Variants in CNTN3 observed in about 807,000 individuals in gnomAD.
CNTN3 encodes contactin-3.
CNTN3 carries 60 observed loss-of-function variants against 119.1 expected under a neutral mutation model. The observed-to-expected ratio is 0.50, with a 90% confidence interval of 0.41 to 0.62. CNTN3 has a LOEUF of 0.62. Ranked by LOEUF, CNTN3 falls within the 20% of genes least tolerant of loss-of-function variation. CNTN3 has a pLI of 0.00. For synonymous variants in CNTN3, 450 were observed against 438.7 expected (o/e 1.03, Z -0.32); for missense variants, 1,101 against 1,242.4 (o/e 0.89, Z 1.71).
In CNTN3 at chr3:74,547,720, T is replaced by C. The variant is rs142801753; in HGVS notation, c.-80-26528A>G. Among the ~76,000 whole-genome samples, 396 of 152,274 alleles carry C rather than the reference T, an allele frequency of 2.6e-3. 3 individuals are homozygous for C. Among genetic ancestry groups the C allele is most frequent in the African/African-American group, 9.0e-3 (374 of 41,576 alleles). On this transcript the variant is annotated intron_variant, in intron 1 of 22. Coordinates refer to ENST00000263665, the MANE Select transcript of CNTN3 (RefSeq NM_020872.3). Reference sequence around the variant, plus strand: ...ATATTTGTACACTATAGATATTAATTCTCTGGCTGTTATGTACTTCACAAA... The same window carrying C: ...ATATTTGTACACTATAGATATTAATCCTCTGGCTGTTATGTACTTCACAAA...
At chr3:74,284,298 C>T (rs1021884888) in intron 20 of CNTN3, among the ~76,000 whole-genome samples, 1 of 152,094 alleles carries the variant, frequency 6.6e-6, no homozygotes, top group African/African-American at 2.4e-5. Flanking sequence ...TAAAAATTGT[C>T]TCATTCTTAC....
At chr3:74,574,335 G>C (rs1704380682) in intron 1 of CNTN3, among the ~76,000 whole-genome samples, 1 of 152,164 alleles carries the variant, frequency 6.6e-6, no homozygotes, top group African/African-American at 2.4e-5. Context: ...GTTTCTTTTA[G>C]AGTGATGAAC....
chr3:74,603,521 T>C (rs2106707482), intron 1 of CNTN3, among the ~76,000 whole-genome samples: 1 of 152,260 alleles, frequency 6.6e-6, no homozygotes, highest in Admixed American at 6.5e-5. Flanking sequence ...GAATAATGCT[T>C]GCTAGAAGCC....
intron 1 of CNTN3, among the ~76,000 whole-genome samples, chr3:74,609,472 G>T (rs1705045014): frequency 6.6e-6 from 1 of 152,184 alleles, no homozygotes; most frequent in African/African-American, 2.4e-5. Flanking sequence ...TGGTGACAAA[G>T]ACCACTGACT....
intron 20 of CNTN3, among the ~76,000 whole-genome samples, chr3:74,283,074 A>G (rs1702046005): frequency 6.6e-6 from 1 of 152,196 alleles, no homozygotes; most frequent in Non-Finnish European, 1.5e-5. Context: ...ACCTGTGATC[A>G]TCTTACCCAG....
chr3:74,439,677 T>C (rs927025866), intron 4 of CNTN3, among the ~76,000 whole-genome samples: 13 of 152,170 alleles, frequency 8.5e-5, no homozygotes, highest in African/African-American at 3.1e-4. Context: ...ATTCTCTTTC[T>C]AACAGGGAGA....
intron 13 of CNTN3, among the ~76,000 whole-genome samples, chr3:74,310,324 A>G (rs951843364): frequency 1.3e-5 from 2 of 152,240 alleles, no homozygotes; most frequent in African/African-American, 2.4e-5. Flanking sequence ...CTATTGCTAT[A>G]TAACAAATTA....
At chr3:74,276,583 T>C (rs1425408021) in intron 20 of CNTN3, among the ~76,000 whole-genome samples, 2 of 150,198 alleles carry the variant, frequency 1.3e-5, no homozygotes, top group Non-Finnish European at 2.9e-5. Flanking sequence ...ATTATTCGAA[T>C]TGAACAATAC....
At chr3:74,315,427 T>C (rs1192571680) in intron 13 of CNTN3, among the ~76,000 whole-genome samples, 1 of 152,156 alleles carries the variant, frequency 6.6e-6, no homozygotes, top group Non-Finnish European at 1.5e-5. Context: ...GCACAAGAAT[T>C]AAGAACCCTC....
At chr3:74,400,466 T>C (rs1705162990) in intron 5 of CNTN3, among the ~76,000 whole-genome samples, 1 of 152,188 alleles carries the variant, frequency 6.6e-6, no homozygotes, top group Admixed American at 6.5e-5. Flanking sequence ...TGCAAAATAA[T>C]AATCCTTTGT....
At chr3:74,586,290 AT>A (rs1265341272) in intron 1 of CNTN3, among the ~76,000 whole-genome samples, 4 of 152,160 alleles carry the variant, frequency 2.6e-5, no homozygotes, top group Non-Finnish European at 4.4e-5. Flanking sequence ...CATCAAAAAA[AT>A]ATAAAGTCAT....
At chr3:74,550,539 G>GTTA (rs1048830168) in intron 1 of CNTN3, among the ~76,000 whole-genome samples, 6 of 151,832 alleles carry the variant, frequency 4.0e-5, no homozygotes, top group South Asian at 2.1e-4. Flanking sequence ...TGTTGTTGGT[G>GTTA]TTATTATTAT....
intron 1 of CNTN3, among the ~76,000 whole-genome samples, chr3:74,533,882 T>C (rs968982072): frequency 8.6e-5 from 13 of 151,996 alleles, no homozygotes; most frequent in Non-Finnish European, 1.8e-4. Flanking sequence ...TGGGGAGGGA[T>C]ACAGATGAGC....
chr3:74,351,487 C>A (rs1466484274), intron 11 of CNTN3, among the ~76,000 whole-genome samples: 3 of 152,186 alleles, frequency 2.0e-5, no homozygotes, highest in Non-Finnish European at 4.4e-5. Flanking sequence ...CCATAGGTGG[C>A]AAGTGACACA....
At chr3:74,367,067 A>G (rs1032154302) in intron 8 of CNTN3, among the ~76,000 whole-genome samples, 4 of 151,616 alleles carry the variant, frequency 2.6e-5, no homozygotes, top group Non-Finnish European at 5.9e-5. Context: ...TGCCACATCA[A>G]TTCTGATTTC....
intron 1 of CNTN3, among the ~76,000 whole-genome samples, chr3:74,568,615 C>T (rs1704261920): frequency 1.3e-5 from 2 of 152,156 alleles, no homozygotes; most frequent in African/African-American, 4.8e-5. Flanking sequence ...CCTACCTCAA[C>T]CCATCTCTGC....
intron 5 of CNTN3, among the ~76,000 whole-genome samples, chr3:74,380,178 T>C (rs1445592922): frequency 6.6e-6 from 1 of 152,248 alleles, no homozygotes; most frequent in African/African-American, 2.4e-5. Flanking sequence ...TTCAGAGTCC[T>C]TGAAAATGCT....
At chr3:74,458,187 T>A (rs1702303363) in intron 4 of CNTN3, among the ~76,000 whole-genome samples, 2 of 151,942 alleles carry the variant, frequency 1.3e-5, no homozygotes, top group South Asian at 4.2e-4. Context: ...GGAACACAGC[T>A]CTCTGCTGAA....
chr3:74,462,277 CT>C (rs1245362468), intron 4 of CNTN3, among the ~76,000 whole-genome samples: 1 of 152,062 alleles, frequency 6.6e-6, no homozygotes, highest in African/African-American at 2.4e-5. Context: ...TTATAAATTA[CT>C]GTCTCAGGTA....
Sources: gnomAD v4.1 joint callset for allele counts (sites outside exome capture counted in the v4.1 genomes callset) on GRCh38, gnomAD v4.1.1 for gene constraint, MANE v1.5 for transcripts, NCBI Gene and HGNC (gene_info 2026-07-23, HGNC 2026-07-21) for gene names.